NDUFA8: variants seen among roughly 807,000 people sequenced by gnomAD.
The protein encoded by NDUFA8 is NADH dehydrogenase [ubiquinone] 1 alpha subcomplex subunit 8.
Under a neutral mutation model 20.9 loss-of-function variants are expected in NDUFA8, and 16 were observed. That is an observed-to-expected ratio of 0.77 (90% CI 0.52 to 1.16). The LOEUF (loss-of-function observed/expected upper bound fraction) is 1.16. NDUFA8 is among the 50% of genes most tolerant of loss of function. NDUFA8 has a pLI of 0.00. For missense variants in NDUFA8, 202 were observed against 216.4 expected, an observed-to-expected ratio of 0.93 and a Z score of 0.42; for synonymous variants, 70 against 76.1, an observed-to-expected ratio of 0.92 and a Z score of 0.41.
At chr9:122,139,683 C>T (rs1284312491), downstream of NDUFA8, among the ~76,000 whole-genome samples, 1 of 152,140 alleles carries the variant, frequency 6.6e-6, no homozygotes, top group East Asian at 1.9e-4. Flanking sequence ...CCAAGCCACA[C>T]ACCACACCAA....
downstream of NDUFA8, among the ~76,000 whole-genome samples, chr9:122,143,393 A>G (rs1030812938): frequency 6.6e-6 from 1 of 152,212 alleles, no homozygotes; most frequent in African/African-American, 2.4e-5. Flanking sequence ...GAAAAAAGAC[A>G]TAATAGTGCT....
rs201112991 is a variant in NDUFA8, at chr9:122,148,124, T to A, written c.369A>T (p.Gly123=). 1.2e-5 allele frequency: 19 copies of A among 1,614,152 alleles called. No homozygotes were observed. Among genetic ancestry groups the A allele is most frequent in the Non-Finnish European group, 1.6e-5 (19 of 1,180,026 alleles). ...GAAGCCTTTTTACCTTTGACAGTTC[T>A]CCCAGGTCAGGCCGCACCCAGCCCA... ...DKLGWVRPDL[G]ELSKVTKVKT... is the part of the protein sequence containing the mutation. Residue 123 remains glycine (G), a synonymous_variant, in exon 3 of 4, where the codon GGA becomes GGT. Transcript: ENST00000373768.
chr9:122,150,570 C>T (rs1828979416), intron 2 of NDUFA8, among the ~76,000 whole-genome samples: 2 of 151,842 alleles, frequency 1.3e-5, no homozygotes. Flanking sequence ...GCAGATTTAT[C>T]CAAAATAATC....
chr9:122,156,067 A>G (rs954788881), intron 1 of NDUFA8, among the ~76,000 whole-genome samples: 9 of 152,134 alleles, frequency 5.9e-5, no homozygotes, highest in African/African-American at 2.2e-4. Flanking sequence ...CCATTATATC[A>G]CCATCACTGA....
downstream of NDUFA8, among the ~76,000 whole-genome samples, chr9:122,140,677 C>T (rs1051286259): frequency 4.6e-5 from 7 of 152,164 alleles, no homozygotes; most frequent in African/African-American, 7.2e-5. Flanking sequence ...GCCAGGGTCA[C>T]GACAGGTGTT....
intron 2 of NDUFA8, among the ~76,000 whole-genome samples, chr9:122,149,698 C>T (rs1828961569): frequency 6.6e-6 from 1 of 152,246 alleles, no homozygotes; most frequent in Admixed American, 6.5e-5. Flanking sequence ...TGGCTCATGC[C>T]TGTAATCCCA....
At chr9:122,152,126 G>T in intron 2 of NDUFA8, 119 bp downstream of exon 2, 2 of 1,129,442 alleles carry the variant, frequency 1.8e-6, no homozygotes, top group African/African-American at 1.5e-5. Flanking sequence ...GTTTTACCTT[G>T]GTCTGATTTC....
downstream of NDUFA8, chr9:122,143,996 A>C (rs1043976822): frequency 8.2e-7 from 1 of 1,219,518 alleles, no homozygotes; most frequent in Non-Finnish European, 1.1e-6. Flanking sequence ...AAGAAGAAAA[A>C]AGCAAGGGGA....
chr9:122,145,527 T>G (rs1828892973), intron 3 of NDUFA8, among the ~76,000 whole-genome samples: 1 of 152,236 alleles, frequency 6.6e-6, no homozygotes, highest in Admixed American at 6.5e-5. Context: ...TCATGTAAAA[T>G]GACCAGATTC....
downstream of NDUFA8, chr9:122,143,925 A>G (rs540945528): frequency 2.0e-4 from 107 of 528,654 alleles, 1 homozygote; most frequent in South Asian, 2.1e-3. Context: ...CTGTTCTAAC[A>G]GGGATCCCCA....
At chr9:122,138,875 G>GGA in the NDUFA8 span, among the ~76,000 whole-genome samples, 1 of 135,154 alleles carries the variant, frequency 7.4e-6, no homozygotes, top group East Asian at 2.5e-4. Flanking sequence ...TGGGGGGGGG[G>GGA]CCATCTGAGC....
At chr9:122,149,326 T>C (rs1027247885) in intron 2 of NDUFA8, among the ~76,000 whole-genome samples, 2 of 152,218 alleles carry the variant, frequency 1.3e-5, no homozygotes, top group Non-Finnish European at 2.9e-5. Flanking sequence ...TAGGTTTCCC[T>C]TCCGGGTATA....
the NDUFA8 span, among the ~76,000 whole-genome samples, chr9:122,135,253 T>C: frequency 1.3e-5 from 2 of 152,210 alleles, no homozygotes; most frequent in Admixed American, 6.5e-5. Context: ...TGCAAGGCAA[T>C]GTATAGTCAT....
chr9:122,149,265 A>C (rs1325541853), intron 2 of NDUFA8, among the ~76,000 whole-genome samples: 1 of 152,200 alleles, frequency 6.6e-6, no homozygotes, highest in East Asian at 1.9e-4. Flanking sequence ...CACCCTGCCC[A>C]ATAAGCCACT....
At chr9:122,145,164 T>C (rs1464569362) in intron 3 of NDUFA8, among the ~76,000 whole-genome samples, 1 of 152,172 alleles carries the variant, frequency 6.6e-6, no homozygotes, top group African/African-American at 2.4e-5. Flanking sequence ...TATGCAAAGG[T>C]GTTTGCGTTT....
chr9:122,134,000 C>T, the NDUFA8 span, among the ~76,000 whole-genome samples: 11 of 152,310 alleles, frequency 7.2e-5, no homozygotes, highest in South Asian at 4.1e-4. Context: ...TGTGTTTCTG[C>T]GGGCAGGCCA....
At chr9:122,157,198 C>A (rs142964160) in intron 1 of NDUFA8, among the ~76,000 whole-genome samples, 1 of 152,212 alleles carries the variant, frequency 6.6e-6, no homozygotes, top group African/African-American at 2.4e-5. Context: ...TTTGCTCAGA[C>A]CCTACCCTCA....
the NDUFA8 span, among the ~76,000 whole-genome samples, chr9:122,135,226 G>C: frequency 6.6e-6 from 1 of 152,182 alleles, no homozygotes; most frequent in African/African-American, 2.4e-5. Flanking sequence ...GGTCCCATTG[G>C]CCGCACACCT....
chr9:122,145,647 T>G (rs1448024912), intron 3 of NDUFA8, among the ~76,000 whole-genome samples: 1 of 152,244 alleles, frequency 6.6e-6, no homozygotes, highest in African/African-American at 2.4e-5. Flanking sequence ...TTATCTCTAG[T>G]GCACAGATGA....
Sources: allele counts gnomAD v4.1 joint callset (sites outside exome capture counted in the v4.1 genomes callset), GRCh38; gene constraint gnomAD v4.1.1; transcripts MANE v1.5; gene names NCBI Gene and HGNC (gene_info 2026-07-23, HGNC 2026-07-21).